The following DNHD1 variants were observed in gnomAD, a reference collection of about 807,000 sequenced individuals.
DNHD1 encodes dynein heavy chain domain 1.
In DNHD1, 383 loss-of-function variants were observed where a neutral mutation model predicts 458.1. The ratio of observed to expected loss-of-function variants is 0.84; its 90% CI spans 0.77 to 0.91. The LOEUF (loss-of-function observed/expected upper bound fraction) is 0.91. Ranked by LOEUF, DNHD1 falls within the 40% of genes least tolerant of loss-of-function variation. The pLI, the probability that DNHD1 is intolerant of heterozygous loss-of-function variation, is 0.00. For synonymous variants in DNHD1, 2,203 were observed against 2,376.9 expected (o/e 0.93, Z 2.13); for missense variants, 5,336 against 5,866.1 (o/e 0.91, Z 2.95).
rs766749971 is a variant in DNHD1, at chr11:6,570,063, T to C, written c.12918T>C (p.Ser4306=). 1 of 1,613,870 alleles carries C rather than the reference T, an allele frequency of 6.2e-7. No individual in the cohort carries two copies. The highest frequency in any genetic ancestry group is 1.1e-5 in the South Asian group (1 of 91,072). Residue 4306 remains serine (S), a synonymous_variant, in exon 40 of 43, where the codon AGT becomes AGC. Transcript: ENST00000254579. ...VLQTQDQLWA[S]LSNPRAAMQE... is the part of the protein sequence containing the mutation. ...AGACCCAAGACCAGCTGTGGGCAAG[T>C]CTTAGCAATCCCCGTGCTGCCATGC... is the stretch of plus-strand genomic sequence containing the variant.
chr11:6,512,929 A>C (rs1852376431), intron 7 of DNHD1, among the ~76,000 whole-genome samples: 1 of 152,168 alleles, frequency 6.6e-6, no homozygotes, highest in Admixed American at 6.5e-5. Flanking sequence ...GTTTTAGAAG[A>C]GTGGCTAAAA....
intron 7 of DNHD1, among the ~76,000 whole-genome samples, 174 bp downstream of exon 7, chr11:6,511,603 CAAT>C (rs1852336675): frequency 6.6e-6 from 1 of 152,158 alleles, no homozygotes; most frequent in Admixed American, 6.5e-5. Flanking sequence ...ATGGATGAAT[CAAT>C]AACAGGTGTG....
At position 6,557,301 on chromosome 11, in the gene DNHD1, C is replaced by G. The variant is rs372646963; in HGVS notation, c.8006C>G (p.Ala2669Gly). The G allele has an allele frequency of 2.4e-5, 38 of 1,551,440 alleles. 1 individual carries two copies. Among genetic ancestry groups the G allele is most frequent in the Non-Finnish European group, 1.6e-5 (18 of 1,147,016 alleles). ...LDSPRERSYC[A>G]KLLLVVAQSV... ...AGCCCCAGGGAACGCTCCTACTGTG[C>G]CAAGCTGCTCCTAGTAGTAGCTCAA... The change falls in exon 25 of 43, where the codon GCC becomes GGC. Residue 2669 changes from alanine to glycine, a missense_variant. Ala to Gly is a moderately conservative substitution (Grantham distance 60). Transcript: ENST00000254579.
At chr11:6,550,782 C>T (rs1395621953) in intron 24 of DNHD1, among the ~76,000 whole-genome samples, 1 of 152,112 alleles carries the variant, frequency 6.6e-6, no homozygotes, top group Admixed American at 6.5e-5. Flanking sequence ...TAGAAAAGGA[C>T]ATCTCATAAT....
chr11:6,571,267 C>A lies in DNHD1; in HGVS notation c.13755C>A (p.Ala4585=), dbSNP rs1294029374. ...DVPERVFHLS[A]FRHPRRLLLA... is the part of the protein sequence containing the mutation. ...CAGAGCGCGTCTTCCACCTGTCAGCCTTTCGCCACCCGCGCCGCCTGCTGC... is the reference window on the plus strand; with the variant it reads ...CAGAGCGCGTCTTCCACCTGTCAGCATTTCGCCACCCGCGCCGCCTGCTGC... The change falls in exon 42 of 43, where the codon GCC becomes GCA. Residue 4585 remains alanine, a synonymous_variant. Transcript: ENST00000254579. The surrounding 1 kb of genome is among the most constrained non-coding windows in gnomAD (Gnocchi z 5.0). 6.2e-7 allele frequency: 1 copy of A among 1,612,470 alleles called. No homozygotes were observed. Among genetic ancestry groups the A allele is most frequent in the East Asian group, 2.2e-5 (1 of 44,838 alleles).
Position 6,568,488 on chromosome 11 carries a change from C to A in DNHD1, c.12573C>A (p.Asp4191Glu). Residue 4191 changes from aspartate (D) to glutamate (E), a missense_variant, in exon 38 of 43, where the codon GAC becomes GAA. Asp to Glu is a conservative substitution (Grantham distance 45). This residue lies in a region of DNHD1 where 695 missense variants were observed against 804.2 expected (regional missense o/e 0.86). Transcript: ENST00000254579. The part of the protein sequence containing the change: ...VADLESEQLL[D>E]QPESRNVSTV... Reference sequence around the variant, plus strand: ...ACCTGGAATCAGAACAGCTTTTAGACCAACCTGAAAGCAGGAATGTAAGCA... The same window carrying A: ...ACCTGGAATCAGAACAGCTTTTAGAACAACCTGAAAGCAGGAATGTAAGCA... 3 of 1,613,930 alleles carry A rather than the reference C, an allele frequency of 1.9e-6. No individual in the cohort carries two copies. The highest frequency in any genetic ancestry group is 2.5e-6 in the Non-Finnish European group (3 of 1,179,884).
At chr11:6,516,027 T>A (rs1248575349) in intron 7 of DNHD1, among the ~76,000 whole-genome samples, 1 of 151,724 alleles carries the variant, frequency 6.6e-6, no homozygotes, top group Non-Finnish European at 1.5e-5. Flanking sequence ...GCTCAAGTGA[T>A]CCTCCCACCT....
intron 24 of DNHD1, among the ~76,000 whole-genome samples, chr11:6,552,076 TA>T (rs562119046): frequency 1.3e-4 from 19 of 145,184 alleles, no homozygotes; most frequent in Non-Finnish European, 2.1e-4. Flanking sequence ...GACCCTCATT[TA>T]AAAAAAAAAG....
chr11:6,533,241 C>T, intron 13 of DNHD1, 57 bp downstream of exon 13: 2 of 1,502,940 alleles, frequency 1.3e-6, no homozygotes, highest in South Asian at 1.2e-5. Context: ...TGCTCAAAAG[C>T]TCAGCACACT....
chr11:6,565,242 A>G (rs1330672674), intron 32 of DNHD1, among the ~76,000 whole-genome samples: 2 of 152,212 alleles, frequency 1.3e-5, no homozygotes, highest in Non-Finnish European at 2.9e-5. Flanking sequence ...GGGTCCTTTC[A>G]GATGTAATTA....
At chr11:6,535,863 T>A (rs768758119) in intron 14 of DNHD1, among the ~76,000 whole-genome samples, 11 of 152,184 alleles carry the variant, frequency 7.2e-5, no homozygotes, top group Non-Finnish European at 1.2e-4. Flanking sequence ...AGCAGAATAT[T>A]TGCACTGTCT....
chr11:6,547,826 A>C (rs1288526775), intron 21 of DNHD1, 37 bp from the exon 22 acceptor site: 1 of 1,547,788 alleles, frequency 6.5e-7, no homozygotes, highest in East Asian at 2.4e-5. Flanking sequence ...ACCTTTTTCT[A>C]CTGGGGCTCC....
At position 6,565,931 on chromosome 11, in the gene DNHD1, A is replaced by G. The variant is rs1457857520; in HGVS notation, c.10993A>G (p.Ser3665Gly). ...ETQLPSLPYL[S>G]VLSGADPELG... ...TCAGCTTCCATCCCTTCCCTACCTT[A>G]GTGTTCTTTCAGGTGCTGACCCAGA... The change falls in exon 33 of 43, where the codon AGT (serine) becomes GGT (glycine). Residue 3665 changes from serine (S) to glycine (G), a missense_variant. Transcript: ENST00000254579. 6.4e-7 allele frequency: 1 copy of G among 1,551,628 alleles called. No homozygotes were observed. Among genetic ancestry groups the G allele is most frequent in the Admixed American group, 2.0e-5 (1 of 50,988 alleles).
chr11:6,512,128 T>A lies in DNHD1; in HGVS notation c.1392+699T>A, dbSNP rs546267280. On this transcript the variant is annotated intron_variant, in intron 7 of 42. Coordinates refer to ENST00000254579, the MANE Select transcript of DNHD1 (RefSeq NM_144666.3). ...GTTCTACATGTTGCTCTAAACTCCATCAGAGGAGGTTAATCACAAAGGACA... is the reference window on the plus strand; with the variant it reads ...GTTCTACATGTTGCTCTAAACTCCAACAGAGGAGGTTAATCACAAAGGACA... Among the ~76,000 whole-genome samples, 31 of 151,682 alleles carry A rather than the reference T, an allele frequency of 2.0e-4. No individual in the cohort carries two copies. In the South Asian group the frequency reaches 4.4e-3, roughly 21 times the overall value.
chr11:6,560,849 CT>C (rs1379251964), intron 28 of DNHD1, among the ~76,000 whole-genome samples: 3 of 152,206 alleles, frequency 2.0e-5, no homozygotes, highest in African/African-American at 7.2e-5. Flanking sequence ...CATTATTGCA[CT>C]CAACAAAAAT....
In DNHD1 at chr11:6,557,909, G is replaced by A. The variant is rs768873288; in HGVS notation, c.8614G>A (p.Val2872Met). Residue 2872 changes from valine to methionine, a missense_variant, in exon 25 of 43, where the codon GTG becomes ATG. By Grantham distance (21) the Val-to-Met change is conservative (BLOSUM62 1). Coordinates refer to ENST00000254579, the MANE Select transcript of DNHD1 (RefSeq NM_144666.3). ...CCGGTGTCATTCCATGGCCCAGCAC[G>A]TGGCCCGCCTGGTCCGGGTGCTGGC... ...LARCHSMAQH[V>M]ARLVRVLARP... 89 of 1,551,148 alleles carry A rather than the reference G, an allele frequency of 5.7e-5. No individual in the cohort carries two copies. Among genetic ancestry groups the A allele is most frequent in the Non-Finnish European group, 7.0e-5 (80 of 1,146,952 alleles).
Position 6,547,543 on chromosome 11 carries a change from C to A in DNHD1, c.6604C>A (p.Leu2202Met). 6.4e-7 allele frequency: 1 copy of A among 1,551,218 alleles called. No individual in the cohort carries two copies. Among genetic ancestry groups the A allele is most frequent in the Non-Finnish European group, 8.7e-7 (1 of 1,146,562 alleles). Residue 2202 changes from leucine (L) to methionine (M), a missense_variant, in exon 21 of 43, where the codon CTG (leucine) becomes ATG (methionine). By Grantham distance (15) the Leu-to-Met change is conservative. This residue lies in a region of DNHD1 where 3,932 missense variants were observed against 4,365.6 expected (regional missense o/e 0.90). Coordinates refer to ENST00000254579, the MANE Select transcript of DNHD1 (RefSeq NM_144666.3). ...FLTCQGVSSLLQVHGQQAVCA... is the reference protein window; with the variant it reads ...FLTCQGVSSLMQVHGQQAVCA... Reference sequence around the variant, plus strand: ...CACCTGCCAAGGTGTCAGCTCTCTGCTGCAGGTACACGGGCAGCAGGCTGT... The same window carrying A: ...CACCTGCCAAGGTGTCAGCTCTCTGATGCAGGTACACGGGCAGCAGGCTGT...
chr11:6,558,171 C>T lies in DNHD1; in HGVS notation c.8876C>T (p.Ala2959Val), dbSNP rs1198851674. 6.5e-6 allele frequency: 10 copies of T among 1,546,806 alleles called. No homozygotes were observed. The highest frequency in any genetic ancestry group is 7.0e-6 in the Non-Finnish European group (8 of 1,144,988). The change falls in exon 25 of 43, where the codon GCC becomes GTC. Residue 2959 changes from alanine to valine, a missense_variant. Ala to Val is a moderately conservative substitution (Grantham distance 64). Around this residue, in one of 4 missense-constraint regions of DNHD1, gnomAD observed 3,932 missense variants for 4,365.6 expected, o/e 0.90. Coordinates refer to ENST00000254579, the MANE Select transcript of DNHD1 (RefSeq NM_144666.3). Reference protein sequence around the residue: ...VDLTTLHRLLALATSGSFPGQ... With the variant: ...VDLTTLHRLLVLATSGSFPGQ... ...CTCACTACACTTCATCGCCTCCTGGCCCTGGCAACCTCAGGCAGTTTCCCT... is the reference window on the plus strand; with the variant it reads ...CTCACTACACTTCATCGCCTCCTGGTCCTGGCAACCTCAGGCAGTTTCCCT...
Position 6,564,637 on chromosome 11 carries a change from A to T in DNHD1, c.10589A>T (p.Gln3530Leu), listed in dbSNP as rs1330735889. 2 of 1,551,630 alleles carry T rather than the reference A, an allele frequency of 1.3e-6. No homozygotes were observed. Among genetic ancestry groups the T allele is most frequent in the African/African-American group, 1.4e-5 (1 of 73,066 alleles). ...QYQWDGNLKP[Q>L]AKSAHLAGLL... Reference sequence around the variant, plus strand: ...CAGTGGGATGGAAACCTGAAGCCACAGGCAAAGTCGGCCCACCTGGCAGGC... The same window carrying T: ...CAGTGGGATGGAAACCTGAAGCCACTGGCAAAGTCGGCCCACCTGGCAGGC... The change falls in exon 32 of 43, where the codon CAG (glutamine) becomes CTG (leucine). Residue 3530 changes from glutamine (Q) to leucine (L), a missense_variant. Coordinates refer to ENST00000254579, the MANE Select transcript of DNHD1 (RefSeq NM_144666.3).
Sources: allele counts gnomAD v4.1 joint callset (sites outside exome capture counted in the v4.1 genomes callset), GRCh38; gene constraint gnomAD v4.1.1; regional missense constraint gnomAD v4.1.1; non-coding constraint Gnocchi (gnomAD v3.1); transcripts MANE v1.5; gene names NCBI Gene and HGNC (gene_info 2026-07-23, HGNC 2026-07-21).